VCPKMT: variants seen among roughly 807,000 people sequenced by gnomAD.
VCPKMT encodes protein N-lysine methyltransferase METTL21D.
In VCPKMT, 32 loss-of-function variants were observed where a neutral mutation model predicts 28.6. The ratio of observed to expected loss-of-function variants is 1.12; its 90% CI spans 0.84 to 1.50. The LOEUF (loss-of-function observed/expected upper bound fraction) is 1.50, where lower values mean the gene tolerates loss of function less well. Ranked by LOEUF, VCPKMT falls within the 40% of genes most tolerant of loss-of-function variation. The probability of loss-of-function intolerance (pLI) is 0.00; values close to 1 mark genes in which losing one functional copy is unlikely to be tolerated. For synonymous variants in VCPKMT, 138 were observed against 111.4 expected (o/e 1.24, Z -1.50); for missense variants, 366 against 285.0 (o/e 1.28, Z -2.05).
At chr14:50,113,616 A>G in intron 4 of VCPKMT, 1 of 152,148 alleles carries the variant, frequency 6.6e-6, no homozygotes, top group Non-Finnish European at 1.5e-5. Context: ...TAAAAAACAA[A>G]AAAAAAGACC....
chr14:50,110,006 G>A (rs1882533781), intron 5 of VCPKMT, among the ~76,000 whole-genome samples: 1 of 152,192 alleles, frequency 6.6e-6, no homozygotes, highest in Non-Finnish European at 1.5e-5. Flanking sequence ...AGCACTTTGG[G>A]AGGCTGAGGT....
chr14:50,111,177 T>TG, intron 5 of VCPKMT: 2 of 887,326 alleles, frequency 2.3e-6, no homozygotes, highest in Non-Finnish European at 2.5e-6. Flanking sequence ...GTTTTTTTTT[T>TG]TGGCCGAAAA....
chr14:50,116,443 C>G lies in VCPKMT; in HGVS notation c.110G>C (p.Gly37Ala). 6.2e-7 allele frequency: 1 copy of G among 1,614,068 alleles called. No individual in the cohort carries two copies. The highest frequency in any genetic ancestry group is 8.5e-7 in the Non-Finnish European group (1 of 1,179,974). The change falls in exon 1 of 6, where the codon GGC becomes GCC. Residue 37 changes from glycine to alanine, a missense_variant. Physicochemically the swap from Gly to Ala is moderately conservative, Grantham distance 60 (BLOSUM62 0). Coordinates refer to ENST00000395860, the MANE Select transcript of VCPKMT (RefSeq NM_024558.3). ...VLRLQQYSSG[G>A]VGCVVWDAAI... ...AGCGTCCCACACAACGCAACCCACGCCACCGGAGCTATACTGCTGTAGTCG... is the reference window on the plus strand; with the variant it reads ...AGCGTCCCACACAACGCAACCCACGGCACCGGAGCTATACTGCTGTAGTCG...
At chr14:50,113,008 G>C (rs373845073) in intron 4 of VCPKMT, among the ~76,000 whole-genome samples, 1 of 152,062 alleles carries the variant, frequency 6.6e-6, no homozygotes, top group Admixed American at 6.5e-5. Context: ...GGCTGGTCTC[G>C]AACTCCTGAC....
In VCPKMT at chr14:50,108,771, G is replaced by A; in HGVS notation, c.*928C>T. 1 of 985,634 alleles carries A rather than the reference G, an allele frequency of 1.0e-6. No homozygotes were observed. The highest frequency in any genetic ancestry group is 1.2e-6 in the Non-Finnish European group (1 of 829,924). 61.1% of individuals were successfully genotyped at this position (985,634 alleles called of 1,614,324 possible). ...GTCCTTGACAGATTATTGTATATGA[G>A]CGAATGGCTTCATAACATAAAACAG... On this transcript the variant is annotated 3_prime_UTR_variant, in exon 6 of 6. Transcript: ENST00000395860.
chr14:50,115,075 C>G (rs893768537), intron 3 of VCPKMT, among the ~76,000 whole-genome samples: 5 of 151,488 alleles, frequency 3.3e-5, no homozygotes, highest in South Asian at 2.1e-4. Context: ...AAAGTTAAAT[C>G]TGACCCTAAC....
At chr14:50,108,615 T>C (rs1189421533), downstream of VCPKMT, 2 of 985,770 alleles carry the variant, frequency 2.0e-6, no homozygotes, top group East Asian at 2.3e-4. Flanking sequence ...CAAAGGTATT[T>C]CTGAAATTCA....
the VCPKMT span, among the ~76,000 whole-genome samples, chr14:50,103,228 G>T: frequency 6.6e-6 from 1 of 152,004 alleles, no homozygotes; most frequent in East Asian, 1.9e-4. Context: ...TGTCATTCTT[G>T]TCTGTTAGTA....
At chr14:50,108,405 T>A (rs1203292412), downstream of VCPKMT, among the ~76,000 whole-genome samples, 1 of 152,126 alleles carries the variant, frequency 6.6e-6, no homozygotes, top group African/African-American at 2.4e-5. Flanking sequence ...CAGATTTAGG[T>A]TACACTGCCT....
At chr14:50,102,938 G>A in the VCPKMT span, among the ~76,000 whole-genome samples, 1 of 152,228 alleles carries the variant, frequency 6.6e-6, no homozygotes, top group African/African-American at 2.4e-5. Flanking sequence ...CGCAGAAGCA[G>A]AAAGCAAGTT....
rs181283530 is a variant in VCPKMT, at chr14:50,115,353, T to C, written c.450+486A>G. 6.2e-4 allele frequency among the ~76,000 whole-genome samples: 95 copies of C among 152,274 alleles called. 1 individual carries two copies. The highest frequency in any genetic ancestry group is 2.1e-3 in the African/African-American group (88 of 41,554). On this transcript the variant is annotated intron_variant, in intron 3 of 5. Coordinates refer to ENST00000395860, the MANE Select transcript of VCPKMT (RefSeq NM_024558.3). The stretch of plus-strand genomic sequence containing the variant: ...TTTTAGTAGAGACAGGGTTTTGCCA[T>C]GTAGGTCAGGCTGGTCTCGAACTCC...
rs1471420042 is a variant in VCPKMT at position 50,116,520 on chromosome 14, GT to G, written c.32del (p.Asp11AlafsTer56). On this transcript the variant is annotated frameshift_variant, in exon 1 of 6. Transcript: ENST00000395860. LOFTEE classifies it high-confidence loss of function. MADTLESSLEDPLRSFVRVLE... is the reference protein window; with the variant it reads MADTLESSLEXPLRSFVRVLE... ...AAACTCGCACAAAGCTCCGCAGTGG[GT>G]CCTCCAGCGAGGACTCCAGCGTATC... 2 of 1,613,138 alleles carry G rather than the reference GT, an allele frequency of 1.2e-6. No homozygotes were observed. Among genetic ancestry groups the G allele is most frequent in the East Asian group, 4.5e-5 (2 of 44,874 alleles).
At chr14:50,105,389 G>C (rs1268189864), downstream of VCPKMT, among the ~76,000 whole-genome samples, 1 of 152,162 alleles carries the variant, frequency 6.6e-6, no homozygotes, top group Non-Finnish European at 1.5e-5. Context: ...CCAACACTTT[G>C]GGAGGCTGAG....
chr14:50,115,466 A>C (rs1046603345), intron 3 of VCPKMT, among the ~76,000 whole-genome samples: 6 of 151,242 alleles, frequency 4.0e-5, no homozygotes, highest in Non-Finnish European at 8.8e-5. Flanking sequence ...TGGTATTTAA[A>C]GAAAAGAACA....
rs1290070028 is a variant in VCPKMT at position 50,116,267 on chromosome 14, G to T, written c.266+20C>A. 1.7e-6 allele frequency: 2 copies of T among 1,156,596 alleles called. No homozygotes were observed. Among genetic ancestry groups the T allele is most frequent in the East Asian group, 3.9e-5 (1 of 25,550 alleles). 71.6% of individuals were successfully genotyped at this position (1,156,596 alleles called of 1,614,324 possible). On this transcript the variant is annotated intron_variant, in intron 1 of 5. Transcript: ENST00000395860. The stretch of plus-strand genomic sequence containing the variant: ...CAGCAAGAAGGCGCCCCCACATCCC[G>T]CCCGCCCGCCAGCTCTTACCCGAGG...
intron 5 of VCPKMT, among the ~76,000 whole-genome samples, chr14:50,110,935 T>A (rs187018403): frequency 1.3e-4 from 20 of 152,128 alleles, no homozygotes; most frequent in African/African-American, 4.8e-4. Context: ...TTGTTACATA[T>A]GACATGTGCA....
At chr14:50,113,165 T>A (rs998290034) in intron 4 of VCPKMT, among the ~76,000 whole-genome samples, 1 of 152,204 alleles carries the variant, frequency 6.6e-6, no homozygotes, top group Non-Finnish European at 1.5e-5. Context: ...TCTATCTTTA[T>A]GTTGGTAAGT....
At position 50,116,345 on chromosome 14, in the gene VCPKMT, A is replaced by G; in HGVS notation, c.208T>C (p.Ser70Pro). 3 of 1,612,188 alleles carry G rather than the reference A, an allele frequency of 1.9e-6. No homozygotes were observed. The highest frequency in any genetic ancestry group is 2.5e-6 in the Non-Finnish European group (3 of 1,179,238). ...GTGCCCGAACCCAGCTCCAGCACCG[A>G]CCGCCGGCTCAGCGCGTGGGCCCCG... ...GDGAHALSRR[S>P]VLELGSGTGA... The change falls in exon 1 of 6, where the codon TCG becomes CCG. Residue 70 changes from serine (S) to proline (P), a missense_variant. Transcript: ENST00000395860.
intron 4 of VCPKMT, among the ~76,000 whole-genome samples, chr14:50,113,914 T>TTAAAA (rs1882906708): frequency 2.0e-4 from 3 of 14,850 alleles, no homozygotes; most frequent in Admixed American, 9.4e-4. Context: ...AAACCCTGTC[T>TTAAAA]CAAAACAAAA....
Sources: gnomAD v4.1 joint callset for allele counts (sites outside exome capture counted in the v4.1 genomes callset) on GRCh38, gnomAD v4.1.1 for gene constraint, MANE v1.5 for transcripts, NCBI Gene and HGNC (gene_info 2026-07-23, HGNC 2026-07-21) for gene names.